Variants in ZNF728 observed in about 807,000 individuals in gnomAD.
ZNF728 encodes zinc finger protein 728.
ZNF728 carries 12 observed loss-of-function variants against 12.5 expected under a neutral mutation model. The ratio of observed to expected loss-of-function variants is 0.96; its 90% CI spans 0.61 to 1.55. ZNF728 has a LOEUF of 1.55. ZNF728 is among the 40% of genes most tolerant of loss of function. The pLI is 0.00. For synonymous variants in ZNF728, 205 were observed against 240.7 expected (o/e 0.85, Z 1.37); for missense variants, 692 against 719.2 (o/e 0.96, Z 0.43).
At position 22,987,301 on chromosome 19, in the gene ZNF728, C is replaced by T; in HGVS notation, c.226+7G>A. The T allele has an allele frequency of 6.2e-7, 1 of 1,609,328 alleles. No homozygotes were observed. The highest frequency in any genetic ancestry group is 8.5e-7 in the Non-Finnish European group (1 of 1,177,512). On this transcript the variant is annotated splice_region_variant and intron_variant, in intron 3 of 3. Transcript: ENST00000594710. ...CATCCATGTTGTCTGTATTCATTCT[C>T]ACCTACCTGGCGGTTCTTTCACCAG...
intron 3 of ZNF728, among the ~76,000 whole-genome samples, chr19:22,986,610 G>T (rs2145341312): frequency 6.6e-6 from 1 of 152,052 alleles, no homozygotes; most frequent in African/African-American, 2.4e-5. Flanking sequence ...CAAATAAATT[G>T]AAATATATTT....
chr19:22,988,474 C>T (rs1968944409), intron 1 of ZNF728, 23 bp from the exon 2 acceptor site: 3 of 1,611,508 alleles, frequency 1.9e-6, no homozygotes, highest in African/African-American at 1.3e-5. Flanking sequence ...CACAAACACA[C>T]ATATTTACCA....
Position 23,003,095 on chromosome 19 carries a change from C to T in ZNF728, c.-65G>A, listed in dbSNP as rs1969131846. 1 of 1,533,664 alleles carries T rather than the reference C, an allele frequency of 6.5e-7. No homozygotes were observed. Among genetic ancestry groups the T allele is most frequent in the Non-Finnish European group, 8.8e-7 (1 of 1,140,908 alleles). On this transcript the variant is annotated 5_prime_UTR_variant, in exon 1 of 4. Coordinates refer to ENST00000594710, the MANE Select transcript of ZNF728 (RefSeq NM_001267716.2). Reference sequence around the variant, plus strand: ...CTCCCAATACCTGCAGGTCACAGGGCCATAGAAGCTGGGCCTTTAGGAGCG... The same window carrying T: ...CTCCCAATACCTGCAGGTCACAGGGTCATAGAAGCTGGGCCTTTAGGAGCG...
chr19:22,989,947 G>C (rs1968967361), intron 1 of ZNF728, among the ~76,000 whole-genome samples: 2 of 151,552 alleles, frequency 1.3e-5, no homozygotes, highest in South Asian at 4.2e-4. Flanking sequence ...TCCCCAATAG[G>C]AATTTTGAGT....
intron 1 of ZNF728, among the ~76,000 whole-genome samples, chr19:23,000,742 C>A (rs1344506423): frequency 1.3e-5 from 2 of 151,624 alleles, no homozygotes; most frequent in Non-Finnish European, 2.9e-5. Flanking sequence ...GTGGTGGGCA[C>A]CTGTAGTCCC....
At chr19:22,982,752 G>A (rs1380580589) in intron 3 of ZNF728, among the ~76,000 whole-genome samples, 1 of 152,084 alleles carries the variant, frequency 6.6e-6, no homozygotes, top group African/African-American at 2.4e-5. Flanking sequence ...AAAAAAACAA[G>A]CAATGGGGAA....
At chr19:23,002,988 G>A in intron 1 of ZNF728, 40 bp downstream of exon 1, 1 of 1,587,480 alleles carries the variant, frequency 6.3e-7, no homozygotes, top group Non-Finnish European at 8.6e-7. Context: ...TCCAACCAGC[G>A]GCTGCCACTC....
At chr19:22,993,607 A>G (rs527821350) in intron 1 of ZNF728, among the ~76,000 whole-genome samples, 1 of 151,218 alleles carries the variant, frequency 6.6e-6, no homozygotes, top group African/African-American at 2.4e-5. Context: ...TTGCAAAGGC[A>G]AAAAAAAAGG....
chr19:22,981,399 A>G (rs546545884), intron 3 of ZNF728, among the ~76,000 whole-genome samples: 24 of 152,268 alleles, frequency 1.6e-4, no homozygotes, highest in African/African-American at 4.8e-4. Context: ...TAGCCCATCA[A>G]TAAAAAATGT....
intron 3 of ZNF728, among the ~76,000 whole-genome samples, chr19:22,982,886 AAC>A (rs1474827891): frequency 1.3e-5 from 2 of 152,142 alleles, no homozygotes; most frequent in African/African-American, 4.8e-5. Context: ...ACTTAAATGT[AAC>A]ACCCCAAACC....
intron 1 of ZNF728, among the ~76,000 whole-genome samples, chr19:22,988,895 T>C (rs562208984): frequency 6.6e-6 from 1 of 151,858 alleles, no homozygotes; most frequent in Admixed American, 6.6e-5. Flanking sequence ...GTACTAAAAA[T>C]ACAAAATTAG....
chr19:23,000,326 C>T (rs757177028), intron 1 of ZNF728, among the ~76,000 whole-genome samples: 14 of 150,610 alleles, frequency 9.3e-5, no homozygotes, highest in Non-Finnish European at 1.8e-4. Flanking sequence ...TGCAGTGAGC[C>T]GAGATCCCAC....
At chr19:23,001,348 G>A (rs1476970402) in intron 1 of ZNF728, among the ~76,000 whole-genome samples, 1 of 152,202 alleles carries the variant, frequency 6.6e-6, no homozygotes, top group Admixed American at 6.5e-5. Context: ...CAAAAAAACA[G>A]CACACCAGAA....
chr19:22,975,724 C>T lies in ZNF728; in HGVS notation c.1613G>A (p.Cys538Tyr). ...VIHTGEKQYK[C>Y]EECGKAFIWS... ...GATGAAGGCTTTGCCACATTCTTCACATTTGTATTGTTTCTCTCCAGTATG... is the reference window on the plus strand; with the variant it reads ...GATGAAGGCTTTGCCACATTCTTCATATTTGTATTGTTTCTCTCCAGTATG... Residue 538 changes from cysteine to tyrosine, a missense_variant, in exon 4 of 4, where the codon TGT (cysteine) becomes TAT (tyrosine). Physicochemically the swap from Cys to Tyr is radical, Grantham distance 194 (BLOSUM62 -2). Coordinates refer to ENST00000594710, the MANE Select transcript of ZNF728 (RefSeq NM_001267716.2). 1.2e-6 allele frequency: 2 copies of T among 1,611,854 alleles called. No homozygotes were observed. Among genetic ancestry groups the T allele is most frequent in the Non-Finnish European group, 1.7e-6 (2 of 1,179,842 alleles).
At chr19:23,001,377 C>T (rs754656442) in intron 1 of ZNF728, among the ~76,000 whole-genome samples, 13 of 152,238 alleles carry the variant, frequency 8.5e-5, no homozygotes, top group Non-Finnish European at 1.9e-4. Context: ...AGCCACAGTG[C>T]ATTCACCTGC....
intron 3 of ZNF728, among the ~76,000 whole-genome samples, chr19:22,980,722 C>A (rs1289811577): frequency 6.6e-6 from 1 of 152,142 alleles, no homozygotes; most frequent in Non-Finnish European, 1.5e-5. Flanking sequence ...GATTAAGAAA[C>A]TCACCCAAAA....
intron 1 of ZNF728, chr19:22,995,744 G>C (rs1422510240): frequency 2.6e-5 from 4 of 152,184 alleles, no homozygotes; most frequent in Non-Finnish European, 5.9e-5. Flanking sequence ...GCTCTCAGCA[G>C]AATTTTAAAA....
chr19:22,987,485 G>A, intron 2 of ZNF728, 82 bp from the exon 3 acceptor site: 2 of 1,257,846 alleles, frequency 1.6e-6, no homozygotes, highest in Non-Finnish European at 2.1e-6. Flanking sequence ...TAAAGAGGAT[G>A]TGATAGAATA....
chr19:22,976,012 T>A lies in ZNF728; in HGVS notation c.1325A>T (p.His442Leu). Reference sequence around the variant, plus strand: ...TTTCTCTCCAGTATGAATTACTTTATGTTTAGTAAGGCTCGAAAATGTAGT... The same window carrying A: ...TTTCTCTCCAGTATGAATTACTTTAAGTTTAGTAAGGCTCGAAAATGTAGT... ...AFTTFSSLTK[H>L]KVIHTGEKHY... The change falls in exon 4 of 4, where the codon CAT becomes CTT. Residue 442 changes from histidine to leucine, a missense_variant. Physicochemically the swap from His to Leu is moderately conservative, Grantham distance 99 (BLOSUM62 -3). Transcript: ENST00000594710. The A allele has an allele frequency of 6.3e-7, 1 of 1,590,668 alleles. No homozygotes were observed. The highest frequency in any genetic ancestry group is 8.6e-7 in the Non-Finnish European group (1 of 1,165,080).
Sources: gnomAD v4.1 joint callset for allele counts (sites outside exome capture counted in the v4.1 genomes callset) on GRCh38, gnomAD v4.1.1 for gene constraint, MANE v1.5 for transcripts, NCBI Gene and HGNC (gene_info 2026-07-23, HGNC 2026-07-21) for gene names.